The following RIN2 variants were observed in gnomAD, a reference collection of about 807,000 sequenced individuals.
RIN2 encodes the protein Ras and Rab interactor 2.
RIN2 carries 36 observed loss-of-function variants against 78.0 expected under a neutral mutation model. The observed-to-expected ratio is 0.46, with a 90% CI of 0.35 to 0.61. The LOEUF is 0.61. Among genes scored for constraint, RIN2 ranks in the 20% least tolerant of loss-of-function variants. RIN2 has a pLI of 0.00. For synonymous variants in RIN2, 466 were observed against 466.8 expected (o/e 1.00, Z 0.02); for missense variants, 1,087 against 1,159.7 (o/e 0.94, Z 0.91).
intron 4 of RIN2, among the ~76,000 whole-genome samples, chr20:19,941,669 T>C (rs2040876210): frequency 6.6e-6 from 1 of 152,152 alleles, no homozygotes; most frequent in South Asian, 2.1e-4. Flanking sequence ...CTACTATGAT[T>C]ACTTTGATCA....
chr20:19,773,812 A>G (rs75065113), intron 1 of RIN2, among the ~76,000 whole-genome samples: 1 of 152,062 alleles, frequency 6.6e-6, no homozygotes, highest in East Asian at 1.9e-4. Flanking sequence ...AATGCCTGAT[A>G]ATACAGTGAT....
intron 2 of RIN2, among the ~76,000 whole-genome samples, chr20:19,864,042 G>A (rs944547016): frequency 6.6e-6 from 1 of 151,586 alleles, no homozygotes; most frequent in African/African-American, 2.4e-5. Flanking sequence ...TTTTTTTAAT[G>A]TATAAGACAC....
chr20:19,983,402 C>G (rs1451803930), intron 9 of RIN2, among the ~76,000 whole-genome samples: 1 of 152,094 alleles, frequency 6.6e-6, no homozygotes, highest in African/African-American at 2.4e-5. Context: ...GACAGAATGA[C>G]AGTAGTCCCA....
At chr20:19,892,771 A>G (rs6112636) in intron 3 of RIN2, among the ~76,000 whole-genome samples, 7,574 of 152,284 alleles carry the variant, frequency 0.05, 659 homozygotes, top group African/African-American at 0.17. Context: ...TGTGAGGAGA[A>G]GTGAACTGCC....
At chr20:19,995,268 AAAAAAAAAAAC>A (rs1437788652) in intron 11 of RIN2, among the ~76,000 whole-genome samples, 2 of 151,298 alleles carry the variant, frequency 1.3e-5, no homozygotes, top group East Asian at 1.9e-4. Context: ...TTTTAAAAAA[AAAAAAAAAAAC>A]AAAACACATT....
At chr20:19,897,816 A>G (rs763592459) in intron 3 of RIN2, among the ~76,000 whole-genome samples, 3 of 151,574 alleles carry the variant, frequency 2.0e-5, no homozygotes, top group East Asian at 2.0e-4. Flanking sequence ...GGCTCAAGCT[A>G]TCTTCCCCCA....
At chr20:19,878,464 T>A (rs975437533) in intron 2 of RIN2, among the ~76,000 whole-genome samples, 1 of 152,156 alleles carries the variant, frequency 6.6e-6, no homozygotes, top group Non-Finnish European at 1.5e-5. Flanking sequence ...CATGTCCCCA[T>A]GTTCAGGGAC....
intron 9 of RIN2, among the ~76,000 whole-genome samples, chr20:19,978,794 T>C (rs1206861996): frequency 6.6e-6 from 1 of 152,158 alleles, no homozygotes; most frequent in Non-Finnish European, 1.5e-5. Flanking sequence ...CAGAGAGCCA[T>C]CACCTACTCT....
At chr20:19,773,331 C>G (rs894490520) in intron 1 of RIN2, among the ~76,000 whole-genome samples, 5 of 152,224 alleles carry the variant, frequency 3.3e-5, no homozygotes, top group Admixed American at 2.6e-4. Flanking sequence ...TCCAACATAT[C>G]TCTTTGTGGG....
chr20:19,856,857 C>T (rs939505641), intron 2 of RIN2, among the ~76,000 whole-genome samples: 5 of 152,098 alleles, frequency 3.3e-5, no homozygotes, highest in South Asian at 2.1e-4. Flanking sequence ...AATCTTGCAA[C>T]GTGGCCAGTA....
chr20:19,963,855 CTTTTTTTTTT>C (rs869033357), intron 6 of RIN2, among the ~76,000 whole-genome samples: 1 of 86,622 alleles, frequency 1.2e-5, no homozygotes, highest in African/African-American at 5.0e-5. Flanking sequence ...CAGTATGTGT[CTTTTTTTTTT>C]TTTTTTTTTT....
At chr20:19,775,867 A>G (rs1600423308) in intron 1 of RIN2, among the ~76,000 whole-genome samples, 1 of 152,158 alleles carries the variant, frequency 6.6e-6, no homozygotes, top group Non-Finnish European at 1.5e-5. Context: ...TAGGAGCCTC[A>G]CCCTCCACAG....
chr20:19,905,465 G>C (rs941080334), intron 3 of RIN2, among the ~76,000 whole-genome samples: 1 of 152,212 alleles, frequency 6.6e-6, no homozygotes, highest in Non-Finnish European at 1.5e-5. Context: ...GCTCATACCT[G>C]TAATCCTAAC....
At chr20:19,826,241 A>T (rs1225871939) in intron 2 of RIN2, among the ~76,000 whole-genome samples, 11 of 152,186 alleles carry the variant, frequency 7.2e-5, no homozygotes, top group Admixed American at 3.3e-4. Flanking sequence ...CCAGGATTTT[A>T]AAAAAATTCT....
intron 1 of RIN2, among the ~76,000 whole-genome samples, chr20:19,791,334 T>A (rs1350002448): frequency 6.6e-6 from 1 of 152,234 alleles, no homozygotes; most frequent in Non-Finnish European, 1.5e-5. Context: ...TACAATTCTG[T>A]GGATGTTATT....
intron 3 of RIN2, among the ~76,000 whole-genome samples, chr20:19,899,576 A>G (rs747853232): frequency 4.6e-5 from 7 of 152,166 alleles, no homozygotes; most frequent in Non-Finnish European, 1.0e-4. Flanking sequence ...CAAGGTCACT[A>G]TGAGATTTGG....
At chr20:19,885,388 G>A (rs962259986) in intron 2 of RIN2, among the ~76,000 whole-genome samples, 1 of 152,116 alleles carries the variant, frequency 6.6e-6, no homozygotes, top group Non-Finnish European at 1.5e-5. Flanking sequence ...AATTGCGGCC[G>A]GGAGCGGTGG....
At chr20:19,991,736 G>T (rs2042802993) in intron 10 of RIN2, among the ~76,000 whole-genome samples, 1 of 152,192 alleles carries the variant, frequency 6.6e-6, no homozygotes, top group South Asian at 2.1e-4. Context: ...GCTTATTCCT[G>T]GTTTGAGTTT....
At chr20:19,979,734 A>AT (rs1459102476) in intron 9 of RIN2, among the ~76,000 whole-genome samples, 1 of 151,854 alleles carries the variant, frequency 6.6e-6, no homozygotes, top group Non-Finnish European at 1.5e-5. Flanking sequence ...TATCTGGGTT[A>AT]TTTTTTAAGA....
Sources: allele counts gnomAD v4.1 joint callset (sites outside exome capture counted in the v4.1 genomes callset), GRCh38; gene constraint gnomAD v4.1.1; transcripts MANE v1.5; gene names NCBI Gene and HGNC (gene_info 2026-07-23, HGNC 2026-07-21).